Variants in CDH12 observed in about 807,000 individuals in gnomAD.
The protein encoded by CDH12 is cadherin 12.
CDH12 carries 41 observed loss-of-function variants against 74.1 expected under a neutral mutation model. The ratio of observed to expected loss-of-function variants is 0.55; its 90% confidence interval spans 0.43 to 0.72. The LOEUF is 0.72. Ranked by LOEUF, CDH12 falls within the 30% of genes least tolerant of loss-of-function variation. The pLI is 0.00. For missense variants in CDH12, 945 were observed against 977.2 expected (o/e 0.97, Z 0.44); for synonymous variants, 399 against 355.0 (o/e 1.12, Z -1.39).
chr5:22,609,338 C>T (rs370989001), intron 1 of CDH12, among the ~76,000 whole-genome samples: 5 of 152,152 alleles, frequency 3.3e-5, no homozygotes, highest in African/African-American at 9.7e-5. Flanking sequence ...GGAATCTCTA[C>T]TAATATATAT....
intron 6 of CDH12, among the ~76,000 whole-genome samples, chr5:21,871,164 T>C (rs1051891663): frequency 6.6e-6 from 1 of 152,186 alleles, no homozygotes; most frequent in Non-Finnish European, 1.5e-5. Context: ...GGGCTAAGAA[T>C]TCTCCTAGAA....
intron 1 of CDH12, among the ~76,000 whole-genome samples, chr5:22,803,487 A>C (rs1748636407): frequency 6.6e-6 from 1 of 152,266 alleles, no homozygotes; most frequent in East Asian, 1.9e-4. Context: ...TAATTCCTAC[A>C]ATACACAAGT....
chr5:22,783,405 T>A (rs1179656354), intron 1 of CDH12, among the ~76,000 whole-genome samples: 1 of 152,162 alleles, frequency 6.6e-6, no homozygotes, highest in Non-Finnish European at 1.5e-5. Context: ...TCACACTGGC[T>A]TTAATAAACC....
chr5:22,129,560 T>C (rs946849365), intron 4 of CDH12, among the ~76,000 whole-genome samples: 3 of 152,154 alleles, frequency 2.0e-5, no homozygotes, highest in African/African-American at 7.2e-5. Context: ...AAAAAGTGCA[T>C]GTTGAAATGG....
intron 6 of CDH12, among the ~76,000 whole-genome samples, chr5:21,950,238 C>T (rs1755790374): frequency 6.6e-6 from 1 of 152,136 alleles, no homozygotes; most frequent in Non-Finnish European, 1.5e-5. Flanking sequence ...TATGCTATCT[C>T]TATTTACACA....
intron 1 of CDH12, among the ~76,000 whole-genome samples, chr5:22,533,622 ACAG>A (rs747513621): frequency 4.6e-5 from 7 of 152,128 alleles, no homozygotes; most frequent in Admixed American, 6.6e-5. Context: ...AATAAATAAA[ACAG>A]CATAGACACC....
intron 4 of CDH12, among the ~76,000 whole-genome samples, chr5:22,141,910 C>A (rs1746821406): frequency 6.6e-6 from 1 of 152,106 alleles, no homozygotes; most frequent in Non-Finnish European, 1.5e-5. Context: ...CTATTATACT[C>A]AAACATCATT....
intron 3 of CDH12, among the ~76,000 whole-genome samples, chr5:22,330,931 G>C (rs1197171738): frequency 2.0e-5 from 3 of 151,980 alleles, no homozygotes; most frequent in African/African-American, 7.2e-5. Context: ...CTGCCCTAAA[G>C]TGTGAGTCCC....
At chr5:22,510,696 T>C (rs1202966724) in intron 1 of CDH12, among the ~76,000 whole-genome samples, 2 of 152,174 alleles carry the variant, frequency 1.3e-5, no homozygotes, top group Non-Finnish European at 2.9e-5. Context: ...TGCTATGTCA[T>C]ATTGATATTA....
chr5:22,172,182 G>C (rs1749070152), intron 4 of CDH12, among the ~76,000 whole-genome samples: 1 of 151,900 alleles, frequency 6.6e-6, no homozygotes, highest in African/African-American at 2.4e-5. Flanking sequence ...TGTAAATAAA[G>C]TGCTAGTACA....
At chr5:22,001,722 CTTTT>C (rs568408820) in intron 5 of CDH12, among the ~76,000 whole-genome samples, 2 of 148,454 alleles carry the variant, frequency 1.3e-5, no homozygotes, top group Admixed American at 1.4e-4. Flanking sequence ...CTTTTTGCTG[CTTTT>C]TTTTTTAAAT....
chr5:22,373,136 C>G (rs1326379762), intron 3 of CDH12, among the ~76,000 whole-genome samples: 2 of 152,158 alleles, frequency 1.3e-5, no homozygotes, highest in Non-Finnish European at 2.9e-5. Flanking sequence ...GTCCCATTCC[C>G]CCAGGATTTG....
intron 6 of CDH12, among the ~76,000 whole-genome samples, chr5:21,934,142 A>G (rs1754969026): frequency 6.6e-6 from 1 of 152,034 alleles, no homozygotes; most frequent in East Asian, 1.9e-4. Flanking sequence ...ACACACACAC[A>G]CATTTAAGTG....
At chr5:22,142,308 T>A (rs1223376260) in intron 4 of CDH12, 1 of 301,854 alleles carries the variant, frequency 3.3e-6, no homozygotes, top group African/African-American at 2.3e-5. Context: ...CTATATGAAG[T>A]AGAGGAAGGG....
At chr5:22,182,600 A>C (rs954418705) in intron 4 of CDH12, among the ~76,000 whole-genome samples, 4 of 152,230 alleles carry the variant, frequency 2.6e-5, no homozygotes, top group African/African-American at 9.6e-5. Flanking sequence ...AATAAAAGGA[A>C]GAGATGGAGT....
chr5:21,829,810 C>G (rs1748901334), intron 8 of CDH12, among the ~76,000 whole-genome samples: 2 of 152,060 alleles, frequency 1.3e-5, no homozygotes, highest in South Asian at 4.1e-4. Flanking sequence ...TTTTCTTATA[C>G]CCAAGACTTA....
At chr5:22,492,537 G>T (rs518809) in intron 2 of CDH12, among the ~76,000 whole-genome samples, 142,803 of 151,862 alleles carry the variant, frequency 0.94, 67,235 homozygotes, top group Admixed American at 0.97. Context: ...AGTAGAGACA[G>T]GGTTTCATCA....
intron 6 of CDH12, among the ~76,000 whole-genome samples, chr5:21,967,017 G>T (rs1169317603): frequency 6.6e-6 from 1 of 152,022 alleles, no homozygotes; most frequent in Admixed American, 6.6e-5. Context: ...ACCTGAATCA[G>T]TGGGTATAAT....
At position 22,053,712 on chromosome 5, in the gene CDH12, A is replaced by G. The variant is rs143231035; in HGVS notation, c.231+24734T>C. 1.9e-3 allele frequency among the ~76,000 whole-genome samples: 293 copies of G among 152,224 alleles called. 1 individual carries two copies. Among genetic ancestry groups the G allele is most frequent in the African/African-American group, 6.7e-3 (278 of 41,552 alleles). ...AAAATAATACCTACATATTCTCCAC[A>G]TGGAAAGCAGAAAACACTCGATGAT... On this transcript the variant is annotated intron_variant, in intron 5 of 14. Coordinates refer to ENST00000382254, the MANE Select transcript of CDH12 (RefSeq NM_004061.5).
Sources: gnomAD v4.1 joint callset for allele counts (sites outside exome capture counted in the v4.1 genomes callset) on GRCh38, gnomAD v4.1.1 for gene constraint, MANE v1.5 for transcripts, NCBI Gene and HGNC (gene_info 2026-07-23, HGNC 2026-07-21) for gene names.